The following DPH5 variants were observed in gnomAD, a reference collection of about 807,000 sequenced individuals.
DPH5 encodes the protein diphthine methyl ester synthase.
In DPH5, 31 loss-of-function variants were observed where a neutral mutation model predicts 31.6. The observed-to-expected ratio is 0.98, with a 90% CI of 0.74 to 1.32. DPH5 has a LOEUF of 1.32. Among genes scored for constraint, DPH5 ranks in the 40% most tolerant of loss-of-function variants. The pLI, the probability that DPH5 is intolerant of heterozygous loss-of-function variation, is 0.00. For synonymous variants in DPH5, 120 were observed against 115.0 expected (o/e 1.04, Z -0.28); for missense variants, 309 against 335.7 (o/e 0.92, Z 0.62).
At chr1:101,015,329 T>C (rs1660000013) in intron 3 of DPH5, among the ~76,000 whole-genome samples, 1 of 152,162 alleles carries the variant, frequency 6.6e-6, no homozygotes, top group African/African-American at 2.4e-5. Flanking sequence ...AGTAATCTTC[T>C]TGTACACTGC....
chr1:100,999,739 T>C (rs1412360559), intron 5 of DPH5, among the ~76,000 whole-genome samples: 1 of 151,972 alleles, frequency 6.6e-6, no homozygotes, highest in Non-Finnish European at 1.5e-5. Flanking sequence ...CTCGGAAGTC[T>C]GAGGCAGGAG....
chr1:101,022,481 C>A (rs1222375212), intron 2 of DPH5, among the ~76,000 whole-genome samples: 1 of 152,188 alleles, frequency 6.6e-6, no homozygotes, highest in Non-Finnish European at 1.5e-5. Context: ...AGCTAGTAGT[C>A]ATCTGATAGT....
Position 100,990,350 on chromosome 1 carries a change from A to C in DPH5, c.*58T>G. The C allele has an allele frequency of 6.6e-7, 1 of 1,517,410 alleles. No homozygotes were observed. Among genetic ancestry groups the C allele is most frequent in the Non-Finnish European group, 9.1e-7 (1 of 1,096,956 alleles). 94.0% of individuals were successfully genotyped at this position (1,517,410 alleles called of 1,614,324 possible). The stretch of plus-strand genomic sequence containing the variant: ...TGAGACTTGGGTGGGGATACATCCA[A>C]ACCATATCAATCCATATATGGCTGA... On this transcript the variant is annotated 3_prime_UTR_variant, in exon 8 of 8. Transcript: ENST00000370109.
intron 2 of DPH5, among the ~76,000 whole-genome samples, chr1:101,024,029 G>A (rs535259450): frequency 2.2e-4 from 34 of 152,034 alleles, no homozygotes; most frequent in Non-Finnish European, 3.4e-4. Flanking sequence ...GATTAGAGAC[G>A]CACATTTCCA....
At chr1:101,011,258 C>T (rs17123612) in intron 4 of DPH5, among the ~76,000 whole-genome samples, 42,090 of 151,964 alleles carry the variant, frequency 0.28, 6,078 homozygotes, top group African/African-American at 0.35. Flanking sequence ...AATGAATCAA[C>T]AATTACCTCT....
At chr1:101,017,352 T>A (rs1359808151) in intron 3 of DPH5, among the ~76,000 whole-genome samples, 1 of 150,558 alleles carries the variant, frequency 6.6e-6, no homozygotes, top group Non-Finnish European at 1.5e-5. Context: ...TCATTTTAAC[T>A]GTTTTTATTT....
At chr1:101,011,912 T>C (rs1171666433) in intron 4 of DPH5, among the ~76,000 whole-genome samples, 1 of 149,494 alleles carries the variant, frequency 6.7e-6, no homozygotes, top group Non-Finnish European at 1.5e-5. Context: ...TTTTTTTTTT[T>C]TTTTGAGATG....
intron 4 of DPH5, among the ~76,000 whole-genome samples, chr1:101,007,576 G>A (rs1280412103): frequency 6.6e-6 from 1 of 152,052 alleles, no homozygotes; most frequent in Non-Finnish European, 1.5e-5. Flanking sequence ...TTTGCTGGGT[G>A]TGGTGGTGGG....
chr1:100,995,079 AC>A (rs1467964928), intron 6 of DPH5, 30 bp downstream of exon 6: 1 of 1,488,038 alleles, frequency 6.7e-7, no homozygotes. Context: ...GAAATAAAAC[AC>A]ATGTATGCAT....
chr1:101,025,556 AGAG>A, intron 1 of DPH5, 90 bp from the exon 2 acceptor site: 2 of 1,313,088 alleles, frequency 1.5e-6, no homozygotes, highest in Middle Eastern at 1.9e-4. Context: ...AAGTAGCACA[AGAG>A]AAGAGGCAAG....
intron 4 of DPH5, among the ~76,000 whole-genome samples, chr1:101,005,300 A>C (rs1441485392): frequency 6.6e-6 from 1 of 152,264 alleles, no homozygotes; most frequent in Non-Finnish European, 1.5e-5. Flanking sequence ...AAATTAAATC[A>C]GTTAAATCTG....
In DPH5 at chr1:101,001,036, T is replaced by C. The variant is rs563008800; in HGVS notation, c.490+431A>G. Among the ~76,000 whole-genome samples, 6 of 152,352 alleles carry C rather than the reference T, an allele frequency of 3.9e-5. No homozygotes were observed. In the East Asian group the frequency reaches 1.2e-3, roughly 29 times the overall value. ...ATCTGTAAAACAGGCCTCAATAAGA[T>C]GATCTCCAGAGTCTCTTTCAGATCT... On this transcript the variant is annotated intron_variant, in intron 5 of 7. Transcript: ENST00000370109.
Position 101,001,532 on chromosome 1 carries a change from G to T in DPH5, c.425C>A (p.Pro142Gln). 6.2e-7 allele frequency: 1 copy of T among 1,611,438 alleles called. No homozygotes were observed. Among genetic ancestry groups the T allele is most frequent in the Middle Eastern group, 1.7e-4 (1 of 6,056 alleles). Reference sequence around the variant, plus strand: ...CTTCACTTTGTCAAAGAAGCTTTCTGGTCTCCAAGTGTCTGTCCAAAAAAC... The same window carrying T: ...CTTCACTTTGTCAAAGAAGCTTTCTTGTCTCCAAGTGTCTGTCCAAAAAAC... ...SIVFWTDTWR[P>Q]ESFFDKVKKN... Residue 142 changes from proline (P) to glutamine (Q), a missense_variant, in exon 5 of 8, where the codon CCA becomes CAA. Physicochemically the swap from Pro to Gln is moderately conservative, Grantham distance 76 (BLOSUM62 -1). Transcript: ENST00000370109.
chr1:101,005,542 A>G (rs1659167681), intron 4 of DPH5, among the ~76,000 whole-genome samples: 1 of 152,246 alleles, frequency 6.6e-6, no homozygotes, highest in African/African-American at 2.4e-5. Context: ...ATAAAGTTGA[A>G]TGACTACGTA....
intron 4 of DPH5, among the ~76,000 whole-genome samples, chr1:101,011,027 G>C (rs760183011): frequency 2.0e-5 from 3 of 152,054 alleles, no homozygotes; most frequent in Non-Finnish European, 4.4e-5. Context: ...AAGCCCTCTA[G>C]GTGATTCTAA....
At chr1:101,024,834 A>T (rs1214243291) in intron 2 of DPH5, 2 of 157,328 alleles carry the variant, frequency 1.3e-5, no homozygotes, top group African/African-American at 4.8e-5. Flanking sequence ...CCTTATTGGG[A>T]GATAGTCTAT....
chr1:101,013,809 T>C lies in DPH5; in HGVS notation c.270A>G (p.Thr90=), dbSNP rs766283412. The C allele has an allele frequency of 1.9e-6, 3 of 1,611,792 alleles. No individual in the cohort carries two copies. The highest frequency in any genetic ancestry group is 1.3e-5 in the African/African-American group (1 of 74,958). The change falls in exon 4 of 8, where the codon ACA becomes ACG. Residue 90 remains threonine, a synonymous_variant. Coordinates refer to ENST00000370109, the MANE Select transcript of DPH5 (RefSeq NM_015958.3). The part of the protein sequence containing the change: ...LVVGDPFGAT[T]HSDLVLRATK... ...TTGCTCTTAGAACAAGATCACTGTGTGTTGTGGCCCTGTAGTGAGAAAAGA... is the reference window on the plus strand; with the variant it reads ...TTGCTCTTAGAACAAGATCACTGTGCGTTGTGGCCCTGTAGTGAGAAAAGA...
At chr1:101,011,067 A>C (rs1207310961) in intron 4 of DPH5, among the ~76,000 whole-genome samples, 1 of 152,168 alleles carries the variant, frequency 6.6e-6, no homozygotes, top group African/African-American at 2.4e-5. Context: ...CCACAGATTT[A>C]GGTTATTTTT....
At chr1:101,021,839 C>CACACAT in intron 2 of DPH5, 74 bp from the exon 3 acceptor site, 1 of 1,320,958 alleles carries the variant, frequency 7.6e-7, no homozygotes, top group Non-Finnish European at 1.0e-6. Flanking sequence ...CACACACACA[C>CACACAT]ACACACACAC....
Sources: gnomAD v4.1 joint callset for allele counts (sites outside exome capture counted in the v4.1 genomes callset) on GRCh38, gnomAD v4.1.1 for gene constraint, MANE v1.5 for transcripts, NCBI Gene and HGNC (gene_info 2026-07-23, HGNC 2026-07-21) for gene names.